Variants in FAM222A observed in about 807,000 individuals in gnomAD.
FAM222A encodes family with sequence similarity 222 member A.
FAM222A carries 7 observed loss-of-function variants against 25.8 expected under a neutral mutation model. The ratio of observed to expected loss-of-function variants is 0.27; its 90% confidence interval spans 0.15 to 0.51. The LOEUF is 0.51. Among genes scored for constraint, FAM222A ranks in the 20% least tolerant of loss-of-function variants. FAM222A has a pLI of 0.97. For synonymous variants in FAM222A, 294 were observed against 298.8 expected (o/e 0.98, Z 0.17); for missense variants, 573 against 640.5 (o/e 0.89, Z 1.14).
intron 1 of FAM222A, among the ~76,000 whole-genome samples, chr12:109,720,563 G>A (rs1887728922): frequency 1.3e-5 from 2 of 152,260 alleles, no homozygotes; most frequent in Admixed American, 1.3e-4. Flanking sequence ...TGGGCCAAGG[G>A]ACCACCTTAG....
Sources: gnomAD v4.1 joint callset for allele counts (sites outside exome capture counted in the v4.1 genomes callset) on GRCh38, gnomAD v4.1.1 for gene constraint, MANE v1.5 for transcripts, NCBI Gene and HGNC (gene_info 2026-07-23, HGNC 2026-07-21) for gene names.